The following ATP2A2 variants were observed in gnomAD, a reference collection of about 807,000 sequenced individuals.
ATP2A2 encodes the protein sarcoplasmic/endoplasmic reticulum calcium ATPase 2.
In ATP2A2, 14 loss-of-function variants were observed where a neutral mutation model predicts 109.3. The observed-to-expected ratio is 0.13, with a 90% CI of 0.08 to 0.20. ATP2A2 has a LOEUF of 0.20. Ranked by LOEUF, ATP2A2 falls within the 10% of genes least tolerant of loss-of-function variation. The pLI is 1.00. For synonymous variants in ATP2A2, 506 were observed against 490.9 expected (o/e 1.03, Z -0.41); for missense variants, 657 against 1,321.6 (o/e 0.50, Z 7.80).
intron 5 of ATP2A2, among the ~76,000 whole-genome samples, chr12:110,313,381 C>T (rs1166180152): frequency 4.5e-5 from 6 of 134,690 alleles, no homozygotes; most frequent in African/African-American, 1.4e-4. Flanking sequence ...GGAATGATCT[C>T]GGCTCACTGC....
Position 110,346,338 on chromosome 12 carries a change from G to A in ATP2A2, c.2997G>A (p.Gln999=). 1 of 1,614,144 alleles carries A rather than the reference G, an allele frequency of 6.2e-7. No homozygotes were observed. The highest frequency in any genetic ancestry group is 8.5e-7 in the Non-Finnish European group (1 of 1,180,016). Reference sequence around the variant, plus strand: ...TGGAACCTGGTAAAGAGTGTGTGCAGCCTGCCACCAAATCCTGCTCGTTCT... The same window carrying A: ...TGGAACCTGGTAAAGAGTGTGTGCAACCTGCCACCAAATCCTGCTCGTTCT... ...NYLEPGKECV[Q]PATKSCSFSA... Residue 999 remains glutamine, a synonymous_variant, in exon 20 of 20, where the codon CAG becomes CAA. Transcript: ENST00000539276.
chr12:110,296,362 CT>C, intron 4 of ATP2A2: 1 of 520,860 alleles, frequency 1.9e-6, no homozygotes, highest in Non-Finnish European at 3.4e-6. Context: ...TCTGTAATTG[CT>C]TTTCCTCATT....
intron 5 of ATP2A2, among the ~76,000 whole-genome samples, chr12:110,319,231 A>G (rs949418208): frequency 6.8e-6 from 1 of 146,498 alleles, no homozygotes; most frequent in Non-Finnish European, 1.5e-5. Context: ...ATGAAAAAAA[A>G]AAAAAAAAAA....
intron 9 of ATP2A2, 30 bp downstream of exon 9, chr12:110,332,715 T>A (rs368494481): frequency 2.6e-6 from 4 of 1,538,206 alleles, no homozygotes; most frequent in Non-Finnish European, 3.6e-6. Context: ...ATTTAAAGGA[T>A]CTGGTGTGGC....
chr12:110,322,557 G>A (rs1877353775), intron 5 of ATP2A2, among the ~76,000 whole-genome samples: 1 of 152,014 alleles, frequency 6.6e-6, no homozygotes, highest in Admixed American at 6.6e-5. Context: ...TTTTAAAGGG[G>A]GCCATTTGCT....
At chr12:110,282,905 G>A in intron 3 of ATP2A2, 110 bp downstream of exon 3, 1 of 955,212 alleles carries the variant, frequency 1.0e-6, no homozygotes, top group Non-Finnish European at 1.6e-6. Flanking sequence ...GGAGTTGCAA[G>A]CTGTGTCTCT....
At chr12:110,309,662 G>T (rs553016386) in intron 5 of ATP2A2, among the ~76,000 whole-genome samples, 6 of 151,954 alleles carry the variant, frequency 3.9e-5, no homozygotes, top group South Asian at 2.1e-4. Flanking sequence ...CAGCACTTTT[G>T]GGGGAGGCCA....
At chr12:110,311,247 C>A (rs569003891) in intron 5 of ATP2A2, among the ~76,000 whole-genome samples, 1 of 152,102 alleles carries the variant, frequency 6.6e-6, no homozygotes, top group African/African-American at 2.4e-5. Context: ...TTGGTTGGTT[C>A]GTTTGTTTAT....
upstream of ATP2A2, chr12:110,281,134 G>A (rs1234200573): frequency 6.7e-6 from 1 of 149,674 alleles, no homozygotes; most frequent in Non-Finnish European, 1.5e-5. Flanking sequence ...GGAGGGAGCC[G>A]GGAGGAGGGG....
rs1004876499 is a variant in ATP2A2 at position 110,308,462 on chromosome 12, C to T, written c.463+11725C>T. Among the ~76,000 whole-genome samples the T allele has an allele frequency of 2.0e-5, 3 of 152,238 alleles. No individual in the cohort carries two copies. In the South Asian group the frequency reaches 6.2e-4, roughly 32 times the overall value. ...GGTGTTTGTAAACTTATATGCAAAT[C>T]AGAAATGATAGTTTGCTGGGTTACT... On this transcript the variant is annotated intron_variant, in intron 5 of 19. Coordinates refer to ENST00000539276, the MANE Select transcript of ATP2A2 (RefSeq NM_170665.4).
At chr12:110,336,099 T>C (rs1362617267) in intron 11 of ATP2A2, among the ~76,000 whole-genome samples, 1 of 152,228 alleles carries the variant, frequency 6.6e-6, no homozygotes, top group Admixed American at 6.5e-5. Flanking sequence ...TGGATTCCTA[T>C]GGAATTGGGT....
In ATP2A2 at chr12:110,348,751, C is replaced by T; in HGVS notation, c.*2281C>T. The T allele has an allele frequency of 1.0e-6, 1 of 985,490 alleles. No homozygotes were observed. Among genetic ancestry groups the T allele is most frequent in the Non-Finnish European group, 1.2e-6 (1 of 829,992 alleles). The allele number at this position is 985,490 out of a possible 1,614,324, so 61.0% of individuals were successfully genotyped here. A position where few individuals can be genotyped will look rare whatever the true frequency, so the allele number is the denominator to read the frequency against. Reference sequence around the variant, plus strand: ...AGCCTCCAAGGCTGCTCGCAGGCAGCTGTGGCTCTCGGGAAGGGAGGCTGC... The same window carrying T: ...AGCCTCCAAGGCTGCTCGCAGGCAGTTGTGGCTCTCGGGAAGGGAGGCTGC... On this transcript the variant is annotated 3_prime_UTR_variant, in exon 20 of 20. Coordinates refer to ENST00000539276, the MANE Select transcript of ATP2A2 (RefSeq NM_170665.4).
At chr12:110,324,261 A>C (rs1237739794) in intron 6 of ATP2A2, among the ~76,000 whole-genome samples, 1 of 151,782 alleles carries the variant, frequency 6.6e-6, no homozygotes, top group Non-Finnish European at 1.5e-5. Flanking sequence ...ACCTGGCTCT[A>C]TTTTTTTTGG....
Position 110,306,184 on chromosome 12 carries a change from G to A in ATP2A2, c.463+9447G>A, listed in dbSNP as rs542710082. Among the ~76,000 whole-genome samples, 143 of 152,174 alleles carry A rather than the reference G, an allele frequency of 9.4e-4. 1 individual carries two copies. Among genetic ancestry groups the A allele is most frequent in the African/African-American group, 3.2e-3 (132 of 41,530 alleles). On this transcript the variant is annotated intron_variant, in intron 5 of 19. Transcript: ENST00000539276. ...CTCCCCAGTAGCTGGGACCAGAGGC[G>A]CCTGCCACCATGCCCAGCTAATGTT...
intron 6 of ATP2A2, among the ~76,000 whole-genome samples, chr12:110,323,436 C>T (rs558543878): frequency 6.6e-6 from 1 of 152,222 alleles, no homozygotes; most frequent in East Asian, 1.9e-4. Context: ...CCACCTGCCT[C>T]GGCCTCCCAA....
At chr12:110,332,461 CAGTG>C (rs1439708301) in intron 8 of ATP2A2, 132 bp from the exon 9 acceptor site, 2 of 774,330 alleles carry the variant, frequency 2.6e-6, no homozygotes, top group Non-Finnish European at 4.6e-6. Context: ...GAGTGAGCCT[CAGTG>C]AGTTTTATTA....
Position 110,300,643 on chromosome 12 carries a change from CTT to C in ATP2A2, c.463+3924_463+3925del, listed in dbSNP as rs537191134. 7.6e-3 allele frequency among the ~76,000 whole-genome samples: 993 copies of C among 131,126 alleles called. 2 individuals carry two copies. Among genetic ancestry groups the C allele is most frequent in the Non-Finnish European group, 0.01 (639 of 60,928 alleles). The allele number at this position is 131,126 out of a possible 152,430, so 86.0% of individuals were successfully genotyped here. A position where few individuals can be genotyped will look rare whatever the true frequency, so the allele number is the denominator to read the frequency against. Reference sequence around the variant, plus strand: ...ACAGGTGTGAGCCACCATGCCCGGCCTTTTTTTTTTTTTTTTTTTAAAGTAAA... The same window carrying C: ...ACAGGTGTGAGCCACCATGCCCGGCCTTTTTTTTTTTTTTTTTAAAGTAAA... On this transcript the variant is annotated intron_variant, in intron 5 of 19. Transcript: ENST00000539276.
chr12:110,309,381 C>T (rs1027998070), intron 5 of ATP2A2, among the ~76,000 whole-genome samples: 1 of 151,524 alleles, frequency 6.6e-6, no homozygotes, highest in South Asian at 2.1e-4. Flanking sequence ...TGGTCTCGAA[C>T]TCCTGGCCTC....
chr12:110,306,787 G>T lies in ATP2A2; in HGVS notation c.463+10050G>T, dbSNP rs186808667. ...CTGTCGCCCAGGCTGGAGTGCAGTG[G>T]TGCGATTTTGGCTCAGTGCAACCTC... is the stretch of plus-strand genomic sequence containing the variant. On this transcript the variant is annotated intron_variant, in intron 5 of 19. Transcript: ENST00000539276. Among the ~76,000 whole-genome samples the T allele has an allele frequency of 4.6e-5, 7 of 152,156 alleles. No homozygotes were observed. In the East Asian group the frequency reaches 1.2e-3, roughly 25 times the overall value.
Sources: allele counts gnomAD v4.1 joint callset (sites outside exome capture counted in the v4.1 genomes callset), GRCh38; gene constraint gnomAD v4.1.1; transcripts MANE v1.5; gene names NCBI Gene and HGNC (gene_info 2026-07-23, HGNC 2026-07-21).